The following NUP188 variants were observed in gnomAD, a reference collection of about 807,000 sequenced individuals.
NUP188 encodes nucleoporin NUP188.
NUP188 carries 97 observed loss-of-function variants against 223.0 expected under a neutral mutation model. The ratio of observed to expected loss-of-function variants is 0.43; its 90% confidence interval spans 0.37 to 0.51. NUP188 has a LOEUF of 0.51. Ranked by LOEUF, NUP188 falls within the 20% of genes least tolerant of loss-of-function variation. NUP188 has a pLI of 0.00. For missense variants in NUP188, 1,947 were observed against 2,175.6 expected (o/e 0.89, Z 2.09); for synonymous variants, 869 against 828.0 (o/e 1.05, Z -0.85).
intron 12 of NUP188, 95 bp downstream of exon 12, chr9:128,973,344 CAT>C (rs777362270): frequency 4.7e-5 from 37 of 789,416 alleles, no homozygotes; most frequent in South Asian, 6.6e-5. Flanking sequence ...TTATTTACCT[CAT>C]GTGTTAATTT....
chr9:129,004,937 A>C (rs1248524530), intron 38 of NUP188: 6 of 596,304 alleles, frequency 1.0e-5, no homozygotes, highest in African/African-American at 7.4e-5. Flanking sequence ...TTTAAGCTGG[A>C]AAGTGGCCAG....
At chr9:128,952,182 A>AGTTC (rs1841798395) in intron 2 of NUP188, among the ~76,000 whole-genome samples, 1 of 152,084 alleles carries the variant, frequency 6.6e-6, no homozygotes, top group African/African-American at 2.4e-5. Context: ...GCAGATCACG[A>AGTTC]GTTCAGGAGT....
intron 10 of NUP188, 32 bp downstream of exon 10, chr9:128,969,546 G>A: frequency 7.9e-7 from 1 of 1,267,270 alleles, no homozygotes; most frequent in Non-Finnish European, 1.1e-6. Context: ...TTTTTCAGAG[G>A]GTTTATAAGT....
At chr9:128,974,414 CAG>C (rs1220597319) in intron 12 of NUP188, among the ~76,000 whole-genome samples, 1 of 123,518 alleles carries the variant, frequency 8.1e-6, no homozygotes, top group Non-Finnish European at 1.6e-5. Context: ...TTTTTTGAGA[CAG>C]GGTCTCACTG....
intron 30 of NUP188, among the ~76,000 whole-genome samples, chr9:128,997,576 A>T (rs1049290422): frequency 1.3e-5 from 2 of 150,866 alleles, no homozygotes; most frequent in Non-Finnish European, 3.0e-5. Flanking sequence ...TGCAGCCTCA[A>T]CCTCCAGGGC....
rs375340522 is a variant in NUP188 at position 128,987,714 on chromosome 9, G to A, written c.2390G>A (p.Arg797Gln). The change falls in exon 23 of 44, where the codon CGA becomes CAA. Residue 797 changes from arginine (R) to glutamine (Q), a missense_variant. Arg to Gln is a conservative substitution (Grantham distance 43). This residue lies in a region of NUP188 where 225 missense variants were observed against 319.1 expected (regional missense o/e 0.71). Transcript: ENST00000372577. ...GACATGGTGATGGCTGCTCAGCCTC[G>A]AAGGTAGGGCTCCTTCTCCACGTTC... The part of the protein sequence containing the change: ...TIDMVMAAQP[R>Q]SDGAEGQGQG... 8.4e-5 allele frequency: 135 copies of A among 1,613,276 alleles called. No individual in the cohort carries two copies. The highest frequency in any genetic ancestry group is 1.7e-4 in the Middle Eastern group (1 of 6,056).
At chr9:128,964,049 T>C (rs541919116) in intron 8 of NUP188, among the ~76,000 whole-genome samples, 37 of 152,038 alleles carry the variant, frequency 2.4e-4, no homozygotes, top group African/African-American at 7.7e-4. Flanking sequence ...CTCCTGACCT[T>C]GTGATCCACC....
chr9:128,953,014 C>A, intron 3 of NUP188, 168 bp downstream of exon 3: 2 of 548,784 alleles, frequency 3.6e-6, no homozygotes, highest in South Asian at 2.3e-5. Context: ...TTTTTGTTGA[C>A]CGAAAGAAAA....
intron 28 of NUP188, 117 bp from the exon 29 acceptor site, chr9:128,994,739 A>G: frequency 1.2e-6 from 1 of 850,956 alleles, no homozygotes; most frequent in South Asian, 1.5e-5. Flanking sequence ...CACATTCAAC[A>G]GGGGTTGTGC....
chr9:129,003,545 C>G (rs778594909), intron 38 of NUP188, 91 bp downstream of exon 38: 10 of 1,429,236 alleles, frequency 7.0e-6, no homozygotes, highest in Non-Finnish European at 8.8e-6. Context: ...TAGTGAATTG[C>G]AGGATGTTCC....
chr9:129,000,039 G>A (rs145575954), intron 34 of NUP188, among the ~76,000 whole-genome samples: 1 of 152,332 alleles, frequency 6.6e-6, no homozygotes, highest in East Asian at 1.9e-4. Context: ...TGGGACTTAG[G>A]TGCCTTTTCA....
chr9:129,005,280 C>T lies in NUP188; in HGVS notation c.4510-23C>T, dbSNP rs76746506. 3.7e-6 allele frequency: 6 copies of T among 1,613,444 alleles called. No homozygotes were observed. The East Asian group carries it at 1.1e-4, about 30-fold the overall frequency. On this transcript the variant is annotated intron_variant, in intron 39 of 43. Transcript: ENST00000372577. Reference sequence around the variant, plus strand: ...CTCACGCTAGCTTCCCAAGCTCCACCTTCATTTCTTGACTCTCCTTAGAAC... The same window carrying T: ...CTCACGCTAGCTTCCCAAGCTCCACTTTCATTTCTTGACTCTCCTTAGAAC...
rs1841880646 is a variant in NUP188, at chr9:128,957,015, A to C, written c.310A>C (p.Thr104Pro). 1 of 1,610,826 alleles carries C rather than the reference A, an allele frequency of 6.2e-7. No homozygotes were observed. The highest frequency in any genetic ancestry group is 8.5e-7 in the Non-Finnish European group (1 of 1,177,844). The change falls in exon 5 of 44, where the codon ACT becomes CCT. Residue 104 changes from threonine (T) to proline (P), a missense_variant. By Grantham distance (38) the Thr-to-Pro change is conservative. Coordinates refer to ENST00000372577, the MANE Select transcript of NUP188 (RefSeq NM_015354.3). ...TTACCTGCAAGAGGACTACAGGGGT[A>C]CTCGGGACTCAGTAAAGGTTTGTGG... ...QCYLQEDYRG[T>P]RDSVKTVLQD...
At chr9:128,958,134 G>A (rs1841897057) in intron 6 of NUP188, 80 bp downstream of exon 6, 1 of 1,107,850 alleles carries the variant, frequency 9.0e-7, no homozygotes, top group Admixed American at 2.0e-5. Context: ...GAGCATTGCT[G>A]GCTTTTGACT....
chr9:128,995,451 C>G lies in NUP188; in HGVS notation c.3288C>G (p.Ser1096=), dbSNP rs376002072. The G allele has an allele frequency of 7.5e-5, 121 of 1,613,394 alleles. No homozygotes were observed. The highest frequency in any genetic ancestry group is 9.4e-5 in the Non-Finnish European group (111 of 1,179,686). ...AAACAGAAGGCAGCAGCTGCACCTC[C>G]TTGTTAGAGTACCAGATGCTGGTGT... ...VAETEGSSCT[S]LLEYQMLVSA... is the part of the protein sequence containing the mutation. The change falls in exon 30 of 44, where the codon TCC becomes TCG. Residue 1096 remains serine, a synonymous_variant. Coordinates refer to ENST00000372577, the MANE Select transcript of NUP188 (RefSeq NM_015354.3).
intron 25 of NUP188, among the ~76,000 whole-genome samples, chr9:128,991,266 G>A (rs1842424695): frequency 6.6e-6 from 1 of 150,916 alleles, no homozygotes; most frequent in South Asian, 2.1e-4. Flanking sequence ...TCGGCTGGGC[G>A]CTGTGGCTCA....
intron 29 of NUP188, 51 bp downstream of exon 29, chr9:128,994,974 G>A (rs774297011): frequency 5.1e-6 from 7 of 1,374,724 alleles, no homozygotes; most frequent in Non-Finnish European, 6.2e-6. Flanking sequence ...GGGAGTGGGA[G>A]TTGGTGGCCT....
chr9:128,995,099 G>A lies in NUP188; in HGVS notation c.3155+176G>A, dbSNP rs186829014. 5.8e-5 allele frequency: 37 copies of A among 638,796 alleles called. No homozygotes were observed. In the East Asian group the frequency reaches 7.3e-4, roughly 13 times the overall value. 39.6% of individuals were successfully genotyped at this position (638,796 alleles called of 1,614,324 possible). ...CAATCCACCGATGGCATTTATGATT[G>A]TCAGAAAGAGTTATTGTGAAGCAAA... is the stretch of plus-strand genomic sequence containing the variant. On this transcript the variant is annotated intron_variant, in intron 29 of 43. Coordinates refer to ENST00000372577, the MANE Select transcript of NUP188 (RefSeq NM_015354.3).
chr9:128,986,414 T>G, intron 20 of NUP188, 144 bp from the exon 21 acceptor site: 2 of 809,994 alleles, frequency 2.5e-6, no homozygotes. Context: ...AAGTAGGACT[T>G]TTGATGTTTC....
Sources: allele counts gnomAD v4.1 joint callset (sites outside exome capture counted in the v4.1 genomes callset), GRCh38; gene constraint gnomAD v4.1.1; regional missense constraint gnomAD v4.1.1; transcripts MANE v1.5; gene names NCBI Gene and HGNC (gene_info 2026-07-23, HGNC 2026-07-21).